Variants in MYO16 observed in about 807,000 individuals in gnomAD.
MYO16 encodes the protein myosin XVI.
Under a neutral mutation model 205.3 loss-of-function variants are expected in MYO16, and 94 were observed. The observed-to-expected ratio is 0.46, with a 90% confidence interval of 0.39 to 0.54. The LOEUF is 0.54. MYO16 is among the 20% of genes least tolerant of loss of function. MYO16 has a pLI of 0.00. For synonymous variants in MYO16, 988 were observed against 954.0 expected, an observed-to-expected ratio of 1.04 and a Z score of -0.66; for missense variants, 2,315 against 2,387.5, an observed-to-expected ratio of 0.97 and a Z score of 0.63.
rs768518669 is a variant in MYO16 at position 108,888,417 on chromosome 13, A to G, written c.1599A>G (p.Ile533Met). The G allele has an allele frequency of 3.7e-6, 6 of 1,610,362 alleles. No individual in the cohort carries two copies. The Admixed American group carries it at 1.0e-4, about 27-fold the overall frequency. ...SGKSEASKQI[I>M]RHLTCRAGAS... is the part of the protein sequence containing the mutation. ...AGTCTGAAGCCAGCAAACAAATCAT[A>G]AGACACCTCACCTGCAGGGCTGGCG... The change falls in exon 14 of 35, where the codon ATA (isoleucine) becomes ATG (methionine). Residue 533 changes from isoleucine to methionine, a missense_variant. Ile to Met is a conservative substitution (Grantham distance 10). This residue lies in a region of MYO16 where 1,213 missense variants were observed against 1,274.4 expected (regional missense o/e 0.95). Transcript: ENST00000457511.
chr13:108,763,872 T>A (rs1287609560), intron 4 of MYO16, among the ~76,000 whole-genome samples: 3 of 151,328 alleles, frequency 2.0e-5, no homozygotes. Flanking sequence ...GATTAACCCA[T>A]GGAAATGTGT....
chr13:109,121,794 C>T (rs1182738537), intron 29 of MYO16, among the ~76,000 whole-genome samples: 1 of 152,228 alleles, frequency 6.6e-6, no homozygotes, highest in Non-Finnish European at 1.5e-5. Flanking sequence ...TTTCACCAGG[C>T]TGAGGCAAGG....
At chr13:109,178,744 G>T (rs1454214621) in intron 33 of MYO16, among the ~76,000 whole-genome samples, 1 of 152,120 alleles carries the variant, frequency 6.6e-6, no homozygotes, top group Admixed American at 6.5e-5. Context: ...ACATTTCTGG[G>T]TGCCACAAAT....
intron 20 of MYO16, among the ~76,000 whole-genome samples, 180 bp from the exon 21 acceptor site, chr13:108,992,196 T>TG (rs1300807206): frequency 1.3e-5 from 2 of 152,224 alleles, no homozygotes; most frequent in African/African-American, 2.4e-5. Flanking sequence ...ATAACAGTTT[T>TG]GGGGGGGCTA....
intron 27 of MYO16, among the ~76,000 whole-genome samples, chr13:109,068,201 A>G (rs989136650): frequency 6.6e-6 from 1 of 152,250 alleles, no homozygotes; most frequent in African/African-American, 2.4e-5. Flanking sequence ...AAAATGCAAT[A>G]TCAGATTTTG....
At chr13:108,718,308 C>T (rs1007843779) in intron 3 of MYO16, among the ~76,000 whole-genome samples, 1 of 152,078 alleles carries the variant, frequency 6.6e-6, no homozygotes, top group East Asian at 2.0e-4. Context: ...GGACATTGGC[C>T]ATTGAACTCC....
At chr13:109,013,165 G>T (rs1885675675) in intron 22 of MYO16, among the ~76,000 whole-genome samples, 1 of 128,950 alleles carries the variant, frequency 7.8e-6, no homozygotes, top group Admixed American at 1.1e-4. Flanking sequence ...CCCTTCCTGT[G>T]TCCAAGTATT....
the MYO16 span, among the ~76,000 whole-genome samples, chr13:108,560,430 G>A: frequency 1.3e-5 from 2 of 152,176 alleles, no homozygotes; most frequent in Non-Finnish European, 1.5e-5. Context: ...GTAGGAAACT[G>A]CATTTTAAAA....
intron 4 of MYO16, among the ~76,000 whole-genome samples, chr13:108,738,505 T>A (rs1884785404): frequency 2.0e-5 from 3 of 152,104 alleles, no homozygotes; most frequent in African/African-American, 7.2e-5. Flanking sequence ...TGAGAGACAG[T>A]TTGTTACAAT....
chr13:108,769,236 G>C (rs1461453608), intron 4 of MYO16, among the ~76,000 whole-genome samples: 2 of 152,188 alleles, frequency 1.3e-5, no homozygotes, highest in African/African-American at 4.8e-5. Flanking sequence ...CTAGGAAGAA[G>C]CTGTAAAGGA....
intron 4 of MYO16, among the ~76,000 whole-genome samples, chr13:108,776,846 C>T (rs1259395888): frequency 6.6e-6 from 1 of 152,156 alleles, no homozygotes; most frequent in Non-Finnish European, 1.5e-5. Context: ...TCTCCAAGGT[C>T]ACGTGACTGT....
chr13:108,524,425 C>T, the MYO16 span, among the ~76,000 whole-genome samples: 1 of 152,200 alleles, frequency 6.6e-6, no homozygotes, highest in Admixed American at 6.5e-5. Flanking sequence ...TCACCTTGCA[C>T]CATGATTGAA....
chr13:108,675,071 A>G (rs1171723649), intron 2 of MYO16, among the ~76,000 whole-genome samples: 1 of 152,196 alleles, frequency 6.6e-6, no homozygotes, highest in African/African-American at 2.4e-5. Flanking sequence ...GAAGCTGTGG[A>G]TTCATCCTTT....
chr13:108,690,219 A>G (rs1345805594), intron 2 of MYO16, among the ~76,000 whole-genome samples: 2 of 151,932 alleles, frequency 1.3e-5, no homozygotes, highest in African/African-American at 4.8e-5. Flanking sequence ...AGCTGCAACC[A>G]TCAACAACTG....
At chr13:109,173,679 A>G (rs1482691411) in intron 33 of MYO16, among the ~76,000 whole-genome samples, 1 of 151,564 alleles carries the variant, frequency 6.6e-6, no homozygotes, top group Non-Finnish European at 1.5e-5. Flanking sequence ...GCGGATTACA[A>G]GGTCAGGCGA....
intron 16 of MYO16, among the ~76,000 whole-genome samples, chr13:108,953,756 C>T (rs1883244303): frequency 6.6e-6 from 1 of 151,828 alleles, no homozygotes. Flanking sequence ...TTTTAATTCC[C>T]ATTTTAAGAT....
At chr13:108,620,399 C>T (rs1879495586) in intron 1 of MYO16, among the ~76,000 whole-genome samples, 1 of 152,056 alleles carries the variant, frequency 6.6e-6, no homozygotes, top group Admixed American at 6.6e-5. Context: ...GATGTTGAAG[C>T]CACACTGAAG....
At chr13:108,596,022 G>C (rs1156719504), upstream of MYO16, 1 of 150,566 alleles carries the variant, frequency 6.6e-6, no homozygotes, top group Non-Finnish European at 1.5e-5. Context: ...GAGTCAGCCT[G>C]AGCTGATGTG....
chr13:108,576,761 C>T, the MYO16 span, among the ~76,000 whole-genome samples: 2 of 151,832 alleles, frequency 1.3e-5, no homozygotes, highest in African/African-American at 4.8e-5. Flanking sequence ...TCTTTTCTTT[C>T]TTTCTTTTCT....
Sources: gnomAD v4.1 joint callset for allele counts (sites outside exome capture counted in the v4.1 genomes callset) on GRCh38, gnomAD v4.1.1 for gene constraint, gnomAD v4.1.1 regional missense constraint, MANE v1.5 for transcripts, NCBI Gene and HGNC (gene_info 2026-07-23, HGNC 2026-07-21) for gene names.